The following SND1 variants were observed in gnomAD, a reference collection of about 807,000 sequenced individuals.
The protein encoded by SND1 is staphylococcal nuclease and tudor domain containing 1.
In SND1, 38 loss-of-function variants were observed where a neutral mutation model predicts 121.7. That is an observed-to-expected ratio of 0.31 (90% CI 0.24 to 0.41). The LOEUF is 0.41. Among genes scored for constraint, SND1 ranks in the 10% least tolerant of loss-of-function variants. SND1 has a pLI of 1.00. For missense variants in SND1, 868 were observed against 1,184.6 expected (o/e 0.73, Z 3.92); for synonymous variants, 401 against 447.4 (o/e 0.90, Z 1.31).
At chr7:127,988,988 T>G (rs937320358) in intron 15 of SND1, among the ~76,000 whole-genome samples, 3 of 152,264 alleles carry the variant, frequency 2.0e-5, no homozygotes, top group African/African-American at 7.2e-5. Flanking sequence ...CTTGCTTAGT[T>G]TGCAGATATA....
intron 10 of SND1, among the ~76,000 whole-genome samples, chr7:127,762,148 A>G (rs1263543916): frequency 6.6e-6 from 1 of 152,206 alleles, no homozygotes; most frequent in Non-Finnish European, 1.5e-5. Context: ...TGTAAATGAA[A>G]AAGTTTACAG....
chr7:127,882,384 AAGGGAGGG>A (rs1326253900), intron 12 of SND1, among the ~76,000 whole-genome samples: 1 of 109,110 alleles, frequency 9.2e-6, no homozygotes, highest in South Asian at 3.6e-4. Context: ...GGGAGGGAGG[AAGGGAGGG>A]AGGGAGGGAG....
chr7:127,971,205 G>A (rs1193612570), intron 15 of SND1, among the ~76,000 whole-genome samples: 1 of 152,062 alleles, frequency 6.6e-6, no homozygotes, highest in Non-Finnish European at 1.5e-5. Flanking sequence ...TTGCTGTTGG[G>A]GTGGTCACCA....
rs1795133924 is a variant in SND1, at chr7:127,652,281, C to T, written c.-93C>T. The stretch of plus-strand genomic sequence containing the variant: ...GTCCGCAGCTGGTAGCCAGCCTGCC[C>T]CTCGCCTCGACTCCCTTTCACCAAC... On this transcript the variant is annotated 5_prime_UTR_variant, in exon 1 of 24. Transcript: ENST00000354725. 9.3e-7 allele frequency: 1 copy of T among 1,077,430 alleles called. No individual in the cohort carries two copies. The highest frequency in any genetic ancestry group is 1.4e-6 in the Non-Finnish European group (1 of 714,748). The allele number at this position is 1,077,430 out of a possible 1,614,324, so 66.7% of individuals were successfully genotyped here. A position where few individuals can be genotyped will look rare whatever the true frequency, so the allele number is the denominator to read the frequency against.
chr7:127,683,561 G>A (rs1247307995), intron 1 of SND1, among the ~76,000 whole-genome samples: 1 of 152,116 alleles, frequency 6.6e-6, no homozygotes, highest in Non-Finnish European at 1.5e-5. Flanking sequence ...GTGGTAGGAG[G>A]GAAACTAGTT....
At chr7:127,908,318 ATGTG>A (rs10579969) in intron 14 of SND1, among the ~76,000 whole-genome samples, 21,405 of 138,304 alleles carry the variant, frequency 0.15, 1,638 homozygotes, top group Middle Eastern at 0.24. Flanking sequence ...ATAATAATAA[ATGTG>A]TGTGTGTGTG....
chr7:127,930,700 T>C (rs1393192506), intron 15 of SND1, among the ~76,000 whole-genome samples: 1 of 152,202 alleles, frequency 6.6e-6, no homozygotes, highest in African/African-American at 2.4e-5. Flanking sequence ...GTGGCAGTTG[T>C]GTGAGAGAGT....
At chr7:127,682,897 A>T (rs749187700) in intron 1 of SND1, among the ~76,000 whole-genome samples, 1 of 152,250 alleles carries the variant, frequency 6.6e-6, no homozygotes, top group Non-Finnish European at 1.5e-5. Flanking sequence ...GAATAAAATT[A>T]TAACAATAAT....
intron 14 of SND1, among the ~76,000 whole-genome samples, chr7:127,917,350 T>G (rs894919443): frequency 1.3e-5 from 2 of 152,228 alleles, no homozygotes; most frequent in Non-Finnish European, 2.9e-5. Flanking sequence ...TTGTTTAAGC[T>G]TGTTTTCACG....
intron 15 of SND1, among the ~76,000 whole-genome samples, chr7:127,945,993 G>C (rs1022328234): frequency 4.6e-5 from 7 of 152,198 alleles, no homozygotes; most frequent in African/African-American, 1.2e-4. Context: ...GGTAACAAGG[G>C]ACCTTTCCAA....
intron 10 of SND1, among the ~76,000 whole-genome samples, chr7:127,780,043 GGTTTGATTC>G (rs1323684492): frequency 6.6e-6 from 1 of 152,104 alleles, no homozygotes; most frequent in Non-Finnish European, 1.5e-5. Flanking sequence ...GTAGGATTCA[GGTTTGATTC>G]GTTTTTGTAT....
chr7:127,922,436 T>C, intron 14 of SND1, among the ~76,000 whole-genome samples: 1 of 152,184 alleles, frequency 6.6e-6, no homozygotes. Context: ...CATAGAGATG[T>C]GTCTTCTCTT....
At chr7:127,791,363 G>A (rs2116541685) in intron 10 of SND1, among the ~76,000 whole-genome samples, 1 of 152,206 alleles carries the variant, frequency 6.6e-6, no homozygotes, top group South Asian at 2.1e-4. Context: ...CTGTTGCCAA[G>A]GCTGGTTTCT....
chr7:127,718,592 C>T (rs1796432009), intron 9 of SND1: 2 of 985,262 alleles, frequency 2.0e-6, no homozygotes, highest in Non-Finnish European at 2.4e-6. Context: ...GGTTTCTAAT[C>T]AGGGAGATGC....
intron 10 of SND1, among the ~76,000 whole-genome samples, chr7:127,764,584 T>A (rs1797378607): frequency 6.6e-6 from 1 of 152,258 alleles, no homozygotes; most frequent in Non-Finnish European, 1.5e-5. Flanking sequence ...TGTGGCAGGC[T>A]GTGCTTATTA....
intron 1 of SND1, among the ~76,000 whole-genome samples, chr7:127,673,310 T>C (rs1405573611): frequency 1.3e-5 from 2 of 151,448 alleles, no homozygotes; most frequent in Middle Eastern, 3.3e-3. Context: ...TGTACAAATA[T>C]CTTATTTATT....
intron 10 of SND1, among the ~76,000 whole-genome samples, chr7:127,739,887 G>A (rs1203332523): frequency 6.6e-6 from 1 of 152,140 alleles, no homozygotes; most frequent in Non-Finnish European, 1.5e-5. Flanking sequence ...TCTGATATGT[G>A]GTCTCTGGAA....
At chr7:127,983,931 A>T (rs895410267) in intron 15 of SND1, among the ~76,000 whole-genome samples, 1 of 151,574 alleles carries the variant, frequency 6.6e-6, no homozygotes, top group South Asian at 2.1e-4. Flanking sequence ...TAATAATTAC[A>T]CCCCCTGTTT....
At chr7:127,929,852 G>T (rs1241318189) in intron 15 of SND1, among the ~76,000 whole-genome samples, 1 of 152,174 alleles carries the variant, frequency 6.6e-6, no homozygotes, top group East Asian at 1.9e-4. Context: ...CACATCGATA[G>T]TATTTCTTGT....
Sources: allele counts gnomAD v4.1 joint callset (sites outside exome capture counted in the v4.1 genomes callset), GRCh38; gene constraint gnomAD v4.1.1; transcripts MANE v1.5; gene names NCBI Gene and HGNC (gene_info 2026-07-23, HGNC 2026-07-21).